Variants in ESYT2 observed in about 807,000 individuals in gnomAD.
ESYT2 encodes the protein extended synaptotagmin 2.
Under a neutral mutation model 107.2 loss-of-function variants are expected in ESYT2, and 54 were observed. The observed-to-expected ratio is 0.50, with a 90% CI of 0.40 to 0.63. The LOEUF (loss-of-function observed/expected upper bound fraction) is 0.63, where lower values mean the gene tolerates loss of function less well. Among genes scored for constraint, ESYT2 ranks in the 30% least tolerant of loss-of-function variants. The probability of loss-of-function intolerance (pLI) is 0.00; values close to 1 mark genes in which losing one functional copy is unlikely to be tolerated. For missense variants in ESYT2, 1,020 were observed against 1,094.5 expected, an observed-to-expected ratio of 0.93 and a Z score of 0.96; for synonymous variants, 491 against 434.1, an observed-to-expected ratio of 1.13 and a Z score of -1.63.
chr7:158,784,210 G>A (rs568773237), intron 6 of ESYT2, among the ~76,000 whole-genome samples: 232 of 152,316 alleles, frequency 1.5e-3, no homozygotes, highest in Middle Eastern at 0.014. Context: ...GAAAGTCGGG[G>A]AAAAGAGCAG....
At chr7:158,771,269 C>T (rs1284229793) in intron 7 of ESYT2, among the ~76,000 whole-genome samples, 1 of 152,178 alleles carries the variant, frequency 6.6e-6, no homozygotes, top group African/African-American at 2.4e-5. Flanking sequence ...TATTTCAGTC[C>T]TCCTATGATA....
rs866833253 is a variant in ESYT2 at position 158,795,593 on chromosome 7, G to T, written c.508-1867C>A. 3.7e-3 allele frequency among the ~76,000 whole-genome samples: 432 copies of T among 118,104 alleles called. 1 individual carries two copies. The highest frequency in any genetic ancestry group is 0.016 in the Middle Eastern group (4 of 246). The allele number at this position is 118,104 out of a possible 152,430, so 77.5% of individuals were successfully genotyped here. On this transcript the variant is annotated intron_variant, in intron 3 of 22. Coordinates refer to ENST00000275418, the MANE Select transcript of ESYT2 (RefSeq NM_001367773.1). ...AATGCAGCCCCTGCGGCCACGTACA[G>T]ACAGAGCATGCAGCCCCTGCGGCCA... is the stretch of plus-strand genomic sequence containing the variant.
intron 7 of ESYT2, 56 bp downstream of exon 7, chr7:158,773,285 A>C: frequency 6.3e-7 from 1 of 1,597,886 alleles, no homozygotes; most frequent in South Asian, 1.1e-5. Flanking sequence ...CAAGACATCC[A>C]AAATGCACAA....
At position 158,743,599 on chromosome 7, in the gene ESYT2, G is replaced by A; in HGVS notation, c.1724C>T (p.Thr575Ile). ...ACTGAGCTGGAAGCGCTGGCTCACAGTCATGTCCTCACTGGTGAGCAGCTG... is the reference window on the plus strand; with the variant it reads ...ACTGAGCTGGAAGCGCTGGCTCACAATCATGTCCTCACTGGTGAGCAGCTG... ...LSQLLTSEDM[T>I]VSQRFQLSNS... Residue 575 changes from threonine (T) to isoleucine (I), a missense_variant, in exon 17 of 23, where the codon ACT becomes ATT. Transcript: ENST00000275418. 1 of 1,613,606 alleles carries A rather than the reference G, an allele frequency of 6.2e-7. No homozygotes were observed. The highest frequency in any genetic ancestry group is 8.5e-7 in the Non-Finnish European group (1 of 1,179,894).
chr7:158,760,013 A>G (rs997624109), intron 12 of ESYT2, 45 bp downstream of exon 12: 20 of 1,553,226 alleles, frequency 1.3e-5, no homozygotes, highest in Non-Finnish European at 1.7e-5. Flanking sequence ...AGTTATGAGG[A>G]GTAGTTGGTT....
rs370456137 is a variant in ESYT2, at chr7:158,759,447, G to C, written c.1419+39C>G. ...GGTTATAAGCAAGAGCAGCTGCTAG[G>C]AAATACGCACCCACAGGTGTTACCA... On this transcript the variant is annotated intron_variant, in intron 13 of 22. Transcript: ENST00000275418. 9.2e-6 allele frequency: 14 copies of C among 1,516,510 alleles called. No individual in the cohort carries two copies. In the African/African-American group the frequency reaches 1.9e-4, roughly 21 times the overall value. 93.9% of individuals were successfully genotyped at this position (1,516,510 alleles called of 1,614,324 possible).
chr7:158,777,648 C>T (rs113166798), intron 6 of ESYT2, among the ~76,000 whole-genome samples: 1 of 151,916 alleles, frequency 6.6e-6, no homozygotes, highest in East Asian at 1.9e-4. Context: ...AGTCAATTAA[C>T]CCTCCTTTCT....
At chr7:158,752,943 C>A in intron 13 of ESYT2, 100 bp from the exon 14 acceptor site, 1 of 762,508 alleles carries the variant, frequency 1.3e-6, no homozygotes, top group South Asian at 1.7e-5. Flanking sequence ...AATAAACAAA[C>A]AAAAATCTTT....
chr7:158,800,100 G>A (rs1221686098), intron 1 of ESYT2, among the ~76,000 whole-genome samples: 1 of 149,494 alleles, frequency 6.7e-6, no homozygotes, highest in South Asian at 2.1e-4. Flanking sequence ...CCAGGCTGGA[G>A]TGCAGTGGCG....
intron 9 of ESYT2, among the ~76,000 whole-genome samples, chr7:158,763,872 G>A (rs1032255421): frequency 1.3e-4 from 20 of 152,102 alleles, no homozygotes; most frequent in East Asian, 5.8e-4. Context: ...GAATAACCAC[G>A]AGTTATCTGC....
rs914227312 is a variant in ESYT2, at chr7:158,785,421, G to A, written c.747+2583C>T. ...GCCTGGGTGACAAGAGTGAAACTCC[G>A]TCTCAAAATAAATAAATAAATAAAT... On this transcript the variant is annotated intron_variant, in intron 6 of 22. Coordinates refer to ENST00000275418, the MANE Select transcript of ESYT2 (RefSeq NM_001367773.1). Among the ~76,000 whole-genome samples, 10 of 135,654 alleles carry A rather than the reference G, an allele frequency of 7.4e-5. No homozygotes were observed. The South Asian group carries it at 1.3e-3, about 17-fold the overall frequency. 89.0% of individuals were successfully genotyped at this position (135,654 alleles called of 152,430 possible).
intron 4 of ESYT2, among the ~76,000 whole-genome samples, chr7:158,792,360 C>CA (rs61313167): frequency 0.13 from 18,772 of 145,076 alleles, 1,791 homozygotes; most frequent in East Asian, 0.43. Flanking sequence ...CCCATCTCTA[C>CA]AAAAAAAAAA....
intron 15 of ESYT2, among the ~76,000 whole-genome samples, chr7:158,749,262 G>T (rs1012178982): frequency 6.6e-6 from 1 of 150,476 alleles, no homozygotes; most frequent in African/African-American, 2.5e-5. Flanking sequence ...ACCCGGCACC[G>T]CACCCGGCAC....
intron 6 of ESYT2, among the ~76,000 whole-genome samples, chr7:158,786,041 T>G (rs1488517250): frequency 6.6e-6 from 1 of 152,224 alleles, no homozygotes; most frequent in Non-Finnish European, 1.5e-5. Flanking sequence ...ACTGAAAATT[T>G]TCCTTTTCAC....
At chr7:158,792,533 CA>C (rs758699353) in intron 4 of ESYT2, among the ~76,000 whole-genome samples, 5 of 132,796 alleles carry the variant, frequency 3.8e-5, no homozygotes, top group Non-Finnish European at 6.4e-5. Flanking sequence ...GTGTCAAAAA[CA>C]AAAAAAAAAC....
intron 1 of ESYT2, among the ~76,000 whole-genome samples, chr7:158,807,415 G>C (rs1017934839): frequency 2.6e-5 from 4 of 152,126 alleles, no homozygotes; most frequent in Non-Finnish European, 5.9e-5. Flanking sequence ...TTCTCATGCA[G>C]ATAGGAAATT....
chr7:158,790,248 A>G (rs1289983590), intron 4 of ESYT2, among the ~76,000 whole-genome samples: 1 of 152,214 alleles, frequency 6.6e-6, no homozygotes, highest in African/African-American at 2.4e-5. Flanking sequence ...TACATTCACT[A>G]TATTTAAATA....
chr7:158,790,530 G>A (rs892272631), intron 4 of ESYT2, among the ~76,000 whole-genome samples: 3 of 152,194 alleles, frequency 2.0e-5, no homozygotes, highest in African/African-American at 7.2e-5. Context: ...GAGACCCTAT[G>A]GGGGGTGTGG....
intron 6 of ESYT2, among the ~76,000 whole-genome samples, chr7:158,785,266 T>C (rs1217928642): frequency 6.6e-6 from 1 of 151,838 alleles, no homozygotes; most frequent in Non-Finnish European, 1.5e-5. Context: ...CTACTAAAAA[T>C]AGAAAAAAAT....
Sources: allele counts gnomAD v4.1 joint callset (sites outside exome capture counted in the v4.1 genomes callset), GRCh38; gene constraint gnomAD v4.1.1; transcripts MANE v1.5; gene names NCBI Gene and HGNC (gene_info 2026-07-23, HGNC 2026-07-21).